CPNE8: variants seen among roughly 807,000 people sequenced by gnomAD.
CPNE8 encodes the protein copine 8.
A neutral mutation model predicts 81.5 loss-of-function variants in CPNE8; 45 were observed. The observed-to-expected ratio is 0.55, with a 90% CI of 0.44 to 0.71. The LOEUF (loss-of-function observed/expected upper bound fraction) is 0.71, where lower values mean the gene tolerates loss of function less well. Among genes scored for constraint, CPNE8 ranks in the 30% least tolerant of loss-of-function variants. CPNE8 has a pLI of 0.00. For synonymous variants in CPNE8, 252 were observed against 226.3 expected (o/e 1.11, Z -1.02); for missense variants, 594 against 672.1 (o/e 0.88, Z 1.28).
At chr12:38,796,355 A>C (rs932124843) in intron 6 of CPNE8, among the ~76,000 whole-genome samples, 6 of 152,178 alleles carry the variant, frequency 3.9e-5, no homozygotes, top group African/African-American at 1.2e-4. Context: ...GTTTTTATAA[A>C]ATAATGCAAA....
At chr12:38,668,616 A>ATTCC (rs1939108395) in intron 19 of CPNE8, among the ~76,000 whole-genome samples, 1 of 152,222 alleles carries the variant, frequency 6.6e-6, no homozygotes, top group Non-Finnish European at 1.5e-5. Flanking sequence ...AAGACTTCAA[A>ATTCC]TTCATACTTC....
At position 38,814,881 on chromosome 12, in the gene CPNE8, T is replaced by C. The variant is rs151233178; in HGVS notation, c.407+14498A>G. On this transcript the variant is annotated intron_variant, in intron 6 of 19. Coordinates refer to ENST00000331366, the MANE Select transcript of CPNE8 (RefSeq NM_153634.3). ...CTCTGTAGGTTCATCATGGACCCCA[T>C]TGAAACAATTATATTTTGGTAGTGA... is the stretch of plus-strand genomic sequence containing the variant. Among the ~76,000 whole-genome samples, 821 of 152,274 alleles carry C rather than the reference T, an allele frequency of 5.4e-3. 8 individuals carry two copies. Among genetic ancestry groups the C allele is most frequent in the African/African-American group, 0.019 (779 of 41,550 alleles).
chr12:38,758,091 T>C (rs1337553865), intron 10 of CPNE8, among the ~76,000 whole-genome samples: 1 of 152,138 alleles, frequency 6.6e-6, no homozygotes, highest in Non-Finnish European at 1.5e-5. Flanking sequence ...AGTAAATTAC[T>C]ATTTCTTGTT....
chr12:38,775,082 C>A (rs1219438896), intron 7 of CPNE8, among the ~76,000 whole-genome samples: 1 of 151,328 alleles, frequency 6.6e-6, no homozygotes, highest in Non-Finnish European at 1.5e-5. Flanking sequence ...TCTCAACTAT[C>A]TATCTATCTA....
Position 38,890,904 on chromosome 12 carries a change from T to C in CPNE8, c.98+14533A>G, listed in dbSNP as rs1053319493. ...ACATTTTTATTTATATATATACATA[T>C]ATATATATGTATATATATAAAATAT... is the stretch of plus-strand genomic sequence containing the variant. On this transcript the variant is annotated intron_variant, in intron 1 of 19. Transcript: ENST00000331366. Among the ~76,000 whole-genome samples the C allele has an allele frequency of 1.2e-4, 18 of 148,240 alleles. 1 individual carries two copies. The highest frequency in any genetic ancestry group is 2.2e-4 in the African/African-American group (9 of 40,788).
At chr12:38,693,462 G>C (rs1039290354) in intron 15 of CPNE8, among the ~76,000 whole-genome samples, 195 bp downstream of exon 15, 1 of 152,074 alleles carries the variant, frequency 6.6e-6, no homozygotes, top group African/African-American at 2.4e-5. Context: ...GTGCACTTCA[G>C]GTAGATTTAT....
chr12:38,764,896 G>C (rs1941656275), intron 8 of CPNE8, among the ~76,000 whole-genome samples: 1 of 152,100 alleles, frequency 6.6e-6, no homozygotes, highest in African/African-American at 2.4e-5. Flanking sequence ...GAGAGACAGA[G>C]AGAGAGACTA....
rs190856259 is a variant in CPNE8 at position 38,707,930 on chromosome 12, C to G, written c.915-5009G>C. 6.4e-3 allele frequency among the ~76,000 whole-genome samples: 976 copies of G among 152,274 alleles called. 15 individuals are homozygous for G. The highest frequency in any genetic ancestry group is 7.3e-3 in the Admixed American group (111 of 15,298). On this transcript the variant is annotated intron_variant, in intron 13 of 19. Coordinates refer to ENST00000331366, the MANE Select transcript of CPNE8 (RefSeq NM_153634.3). ...CACTGTGCTATAGGATGAAGAGAAA[C>G]AGGAGCAAATAAAACACCATTCTTG...
chr12:38,729,399 T>C (rs1940780281), intron 11 of CPNE8, among the ~76,000 whole-genome samples: 1 of 151,900 alleles, frequency 6.6e-6, no homozygotes, highest in Non-Finnish European at 1.5e-5. Flanking sequence ...AGAGCACATA[T>C]CTATCTACAC....
At chr12:38,873,434 C>T (rs185649835) in intron 2 of CPNE8, among the ~76,000 whole-genome samples, 17 of 152,200 alleles carry the variant, frequency 1.1e-4, no homozygotes, top group Admixed American at 3.9e-4. Flanking sequence ...ATAATAGGAA[C>T]GAAAACTTGG....
chr12:38,876,363 G>A (rs1381633359), intron 1 of CPNE8, among the ~76,000 whole-genome samples: 1 of 152,084 alleles, frequency 6.6e-6, no homozygotes, highest in Non-Finnish European at 1.5e-5. Flanking sequence ...ACAGGCATGT[G>A]CCATCACGCC....
At chr12:38,786,532 G>C (rs922097851) in intron 6 of CPNE8, among the ~76,000 whole-genome samples, 1 of 152,066 alleles carries the variant, frequency 6.6e-6, no homozygotes, top group East Asian at 1.9e-4. Context: ...ACTTGGACTG[G>C]CTCTCCTTGA....
chr12:38,755,965 A>G (rs893714355), intron 10 of CPNE8, among the ~76,000 whole-genome samples: 12 of 144,328 alleles, frequency 8.3e-5, no homozygotes, highest in South Asian at 6.8e-4. Flanking sequence ...ACGTGAACCC[A>G]GGAGGCGGAG....
intron 6 of CPNE8, among the ~76,000 whole-genome samples, chr12:38,816,131 T>A (rs1411075890): frequency 6.6e-6 from 1 of 152,190 alleles, no homozygotes; most frequent in African/African-American, 2.4e-5. Context: ...TTTAAAATTC[T>A]GTATTTTTAA....
intron 8 of CPNE8, among the ~76,000 whole-genome samples, chr12:38,765,317 AT>A (rs1565603917): frequency 6.6e-6 from 1 of 152,158 alleles, no homozygotes; most frequent in Non-Finnish European, 1.5e-5. Context: ...TTTTTATTGA[AT>A]AACTGGTATT....
intron 13 of CPNE8, among the ~76,000 whole-genome samples, chr12:38,715,594 C>A (rs1940366397): frequency 6.6e-6 from 1 of 151,960 alleles, no homozygotes; most frequent in African/African-American, 2.4e-5. Context: ...TCCAGCATTG[C>A]TTTATGATAA....
At chr12:38,779,915 A>ATTTT (rs1942010512) in intron 6 of CPNE8, among the ~76,000 whole-genome samples, 1 of 152,124 alleles carries the variant, frequency 6.6e-6, no homozygotes, top group Admixed American at 6.6e-5. Context: ...CTAGCAAAGG[A>ATTTT]TTATAAAAAA....
At chr12:38,807,898 A>G (rs906495673) in intron 6 of CPNE8, among the ~76,000 whole-genome samples, 9 of 151,796 alleles carry the variant, frequency 5.9e-5, no homozygotes, top group Non-Finnish European at 1.3e-4. Context: ...ACTCCAACAA[A>G]TTTACAAGAA....
intron 19 of CPNE8, among the ~76,000 whole-genome samples, chr12:38,654,480 A>C (rs1297360746): frequency 6.6e-5 from 9 of 136,534 alleles, no homozygotes; most frequent in Non-Finnish European, 1.4e-4. Context: ...ATGCCACTGC[A>C]CTCCAGCCTG....
Sources: allele counts gnomAD v4.1 joint callset (sites outside exome capture counted in the v4.1 genomes callset), GRCh38; gene constraint gnomAD v4.1.1; transcripts MANE v1.5; gene names NCBI Gene and HGNC (gene_info 2026-07-23, HGNC 2026-07-21).